The following LINGO2 variants were observed in gnomAD, a reference collection of about 807,000 sequenced individuals.
LINGO2 encodes the protein leucine rich repeat and Ig domain containing 2.
LINGO2 carries 14 observed loss-of-function variants against 30.6 expected under a neutral mutation model. The ratio of observed to expected loss-of-function variants is 0.46; its 90% CI spans 0.30 to 0.72. The LOEUF is 0.72. Ranked by LOEUF, LINGO2 falls within the 30% of genes least tolerant of loss-of-function variation. The pLI, the probability that LINGO2 is intolerant of heterozygous loss-of-function variation, is 0.07. For missense variants in LINGO2, 729 were observed against 751.7 expected, an observed-to-expected ratio of 0.97 and a Z score of 0.35; for synonymous variants, 317 against 288.5, an observed-to-expected ratio of 1.10 and a Z score of -1.00.
chr9:28,287,891 A>G (rs1321947210), intron 4 of LINGO2, among the ~76,000 whole-genome samples: 1 of 152,128 alleles, frequency 6.6e-6, no homozygotes, highest in African/African-American at 2.4e-5. Context: ...CAGTTTTATA[A>G]AGGAAAAAGT....
intron 4 of LINGO2, among the ~76,000 whole-genome samples, chr9:28,099,404 G>C (rs1263072753): frequency 6.6e-6 from 1 of 152,076 alleles, no homozygotes; most frequent in Non-Finnish European, 1.5e-5. Context: ...CCTAATGTTT[G>C]TTCCATGATG....
chr9:28,277,137 T>A (rs993375734), intron 4 of LINGO2, among the ~76,000 whole-genome samples: 1 of 152,230 alleles, frequency 6.6e-6, no homozygotes, highest in Non-Finnish European at 1.5e-5. Context: ...GCAAGTTTAT[T>A]GGTGCCATTT....
the LINGO2 span, among the ~76,000 whole-genome samples, chr9:28,999,000 A>G: frequency 0.91 from 137,715 of 152,040 alleles, 62,548 homozygotes; most frequent in Non-Finnish European, 0.93. Flanking sequence ...CAAGCAAACC[A>G]TGAGTCAGGC....
chr9:28,161,627 T>A (rs763019022), intron 4 of LINGO2, among the ~76,000 whole-genome samples: 4 of 151,986 alleles, frequency 2.6e-5, no homozygotes, highest in Non-Finnish European at 5.9e-5. Flanking sequence ...ATATTGAAAA[T>A]AGAACGAGAA....
chr9:28,538,832 G>T (rs2135452973), intron 1 of LINGO2, among the ~76,000 whole-genome samples: 1 of 152,104 alleles, frequency 6.6e-6, no homozygotes. Context: ...TTGGGGTTTT[G>T]GGGTTTGTTT....
the LINGO2 span, among the ~76,000 whole-genome samples, chr9:28,941,953 C>T: frequency 6.6e-6 from 1 of 152,116 alleles, no homozygotes; most frequent in African/African-American, 2.4e-5. Flanking sequence ...GGTACTCCCC[C>T]TTTATTTCTT....
chr9:28,271,649 C>T (rs1176439365), intron 4 of LINGO2, among the ~76,000 whole-genome samples: 1 of 152,134 alleles, frequency 6.6e-6, no homozygotes, highest in Non-Finnish European at 1.5e-5. Flanking sequence ...ATGGTTTCCA[C>T]TGGGCCAATA....
intron 1 of LINGO2, among the ~76,000 whole-genome samples, chr9:28,534,554 T>C (rs537511801): frequency 4.3e-4 from 66 of 152,180 alleles, no homozygotes; most frequent in Non-Finnish European, 8.4e-4. Flanking sequence ...CAAAAACTTG[T>C]CATTCTTAGC....
At chr9:28,274,543 TTA>T in intron 4 of LINGO2, among the ~76,000 whole-genome samples, 1 of 152,348 alleles carries the variant, frequency 6.6e-6, no homozygotes, top group East Asian at 1.9e-4. Context: ...CATTTACCTT[TTA>T]AAATTAGATT....
chr9:28,685,938 T>C, the LINGO2 span, among the ~76,000 whole-genome samples: 3 of 151,970 alleles, frequency 2.0e-5, no homozygotes, highest in South Asian at 6.2e-4. Context: ...AGACGAGTAG[T>C]GTGTGGGTGC....
At chr9:28,855,357 T>C in the LINGO2 span, among the ~76,000 whole-genome samples, 1 of 151,964 alleles carries the variant, frequency 6.6e-6, no homozygotes, top group Non-Finnish European at 1.5e-5. Flanking sequence ...CCTGCTGTAA[T>C]GAAAGAAGTG....
chr9:28,617,650 C>T (rs1179487716), intron 1 of LINGO2, among the ~76,000 whole-genome samples: 1 of 152,086 alleles, frequency 6.6e-6, no homozygotes, highest in African/African-American at 2.4e-5. Flanking sequence ...AGACTACTTA[C>T]ATATGTTCTC....
At chr9:29,169,772 A>G in the LINGO2 span, among the ~76,000 whole-genome samples, 1 of 152,190 alleles carries the variant, frequency 6.6e-6, no homozygotes, top group African/African-American at 2.4e-5. Flanking sequence ...GGAAGCCCAG[A>G]CAGCAGATCA....
chr9:28,780,830 ATGTGTGTGTGTGTGTGTGTG>A, the LINGO2 span, among the ~76,000 whole-genome samples: 1 of 127,424 alleles, frequency 7.8e-6, no homozygotes, highest in African/African-American at 2.7e-5. Context: ...CTTGGTAGTA[ATGTGTGTGTGTGTGTGTGTG>A]TGTGTGTGTG....
At chr9:28,502,622 T>C (rs1316165788) in intron 1 of LINGO2, among the ~76,000 whole-genome samples, 3 of 152,044 alleles carry the variant, frequency 2.0e-5, no homozygotes, top group Non-Finnish European at 4.4e-5. Flanking sequence ...TCAAAGATAA[T>C]CTCACAGCTC....
chr9:28,947,378 T>C, the LINGO2 span, among the ~76,000 whole-genome samples: 5 of 152,102 alleles, frequency 3.3e-5, no homozygotes, highest in Non-Finnish European at 5.9e-5. Context: ...CATTTGCTAG[T>C]TTCATCAATT....
At chr9:28,102,525 T>C (rs1165107665) in intron 4 of LINGO2, among the ~76,000 whole-genome samples, 1 of 152,072 alleles carries the variant, frequency 6.6e-6, no homozygotes, top group East Asian at 1.9e-4. Context: ...TTATTTTAAA[T>C]ATGCTGTATG....
intron 1 of LINGO2, among the ~76,000 whole-genome samples, chr9:28,518,597 A>G (rs1055067832): frequency 6.6e-6 from 1 of 152,222 alleles, no homozygotes; most frequent in Non-Finnish European, 1.5e-5. Context: ...TTCTTTGATG[A>G]TGAATCATAG....
At chr9:29,125,325 T>C in the LINGO2 span, among the ~76,000 whole-genome samples, 1 of 151,996 alleles carries the variant, frequency 6.6e-6, no homozygotes, top group Admixed American at 6.6e-5. Context: ...GCTTAAAACC[T>C]AGATGACGTG....
Sources: gnomAD v4.1 joint callset for allele counts (sites outside exome capture counted in the v4.1 genomes callset) on GRCh38, gnomAD v4.1.1 for gene constraint, MANE v1.5 for transcripts, NCBI Gene and HGNC (gene_info 2026-07-23, HGNC 2026-07-21) for gene names.